Variants in FYCO1 observed in about 807,000 individuals in gnomAD.
The protein encoded by FYCO1 is FYVE and coiled-coil domain-containing protein 1.
FYCO1 carries 122 observed loss-of-function variants against 165.1 expected under a neutral mutation model. That is an observed-to-expected ratio of 0.74 (90% CI 0.64 to 0.86). The LOEUF is 0.86. Ranked by LOEUF, FYCO1 falls within the 40% of genes least tolerant of loss-of-function variation. The probability of loss-of-function intolerance (pLI) is 0.00; values close to 1 mark genes in which losing one functional copy is unlikely to be tolerated. For synonymous variants in FYCO1, 648 were observed against 742.5 expected, an observed-to-expected ratio of 0.87 and a Z score of 2.07; for missense variants, 1,702 against 1,810.3, an observed-to-expected ratio of 0.94 and a Z score of 1.09.
chr3:45,964,603 C>A lies in FYCO1; in HGVS notation c.3151-149G>T, dbSNP rs1705892257. 1 of 1,487,348 alleles carries A rather than the reference C, an allele frequency of 6.7e-7. No homozygotes were observed. The highest frequency in any genetic ancestry group is 1.4e-5 in the African/African-American group (1 of 72,016). The allele number at this position is 1,487,348 out of a possible 1,614,324, so 92.1% of individuals were successfully genotyped here. ...ATTAAGTTCAAGAGGCCATGAACCT[C>A]TGCTCTATATTTGTGGGGCCTCAAC... is the stretch of plus-strand genomic sequence containing the variant. On this transcript the variant is annotated intron_variant, in intron 9 of 17. Coordinates refer to ENST00000296137, the MANE Select transcript of FYCO1 (RefSeq NM_024513.4). This position sits in a 1 kb window ranked among gnomAD's most constrained non-coding sequence, Gnocchi z 4.1.
chr3:45,975,193 T>C, intron 5 of FYCO1, 46 bp downstream of exon 5: 1 of 1,307,112 alleles, frequency 7.7e-7, no homozygotes, highest in Non-Finnish European at 1.1e-6. Flanking sequence ...CTTTAGTTCA[T>C]TTCTGCACGG....
rs892439723 is a variant in FYCO1, at chr3:45,921,577, C to T, written c.*188G>A. 38 of 616,590 alleles carry T rather than the reference C, an allele frequency of 6.2e-5. No individual in the cohort carries two copies. Among genetic ancestry groups the T allele is most frequent in the African/African-American group, 5.3e-4 (29 of 54,562 alleles). 38.2% of individuals were successfully genotyped at this position (616,590 alleles called of 1,614,324 possible). On this transcript the variant is annotated 3_prime_UTR_variant, in exon 18 of 18. Coordinates refer to ENST00000296137, the MANE Select transcript of FYCO1 (RefSeq NM_024513.4). ...ACATTGCCTGAGCCCTTCAACGCCT[C>T]GGGGGCTAAGAGTGGCCGGTGCAGA... is the stretch of plus-strand genomic sequence containing the variant.
At chr3:45,937,079 C>G (rs1350554400) in intron 14 of FYCO1, among the ~76,000 whole-genome samples, 2 of 152,200 alleles carry the variant, frequency 1.3e-5, no homozygotes, top group Non-Finnish European at 2.9e-5. Flanking sequence ...GGCAGTTCCT[C>G]AGAGGCAGAA....
chr3:45,940,037 C>A (rs1260147098), intron 14 of FYCO1, among the ~76,000 whole-genome samples: 1 of 152,212 alleles, frequency 6.6e-6, no homozygotes, highest in Non-Finnish European at 1.5e-5. Context: ...CCACACCACA[C>A]ACATCATATT....
Position 45,959,387 on chromosome 3 carries a change from G to A in FYCO1, c.3587+6C>T, listed in dbSNP as rs1235836648. The A allele has an allele frequency of 6.2e-7, 1 of 1,613,850 alleles. No individual in the cohort carries two copies. Among genetic ancestry groups the A allele is most frequent in the Admixed American group, 1.7e-5 (1 of 60,032 alleles). On this transcript the variant is annotated splice_donor_region_variant and intron_variant, in intron 12 of 17. Coordinates refer to ENST00000296137, the MANE Select transcript of FYCO1 (RefSeq NM_024513.4). ...GTTGGTGCCAACCCACGAGCTCCCT[G>A]CTGACCTGCAGTGGTGCCGCCGCAC...
chr3:45,932,190 C>G (rs1703666932), intron 15 of FYCO1, among the ~76,000 whole-genome samples: 1 of 152,210 alleles, frequency 6.6e-6, no homozygotes, highest in Admixed American at 6.5e-5. Flanking sequence ...CCGAGTGGCA[C>G]CACTCCTACA....
At chr3:45,987,906 C>T (rs72891712) in intron 1 of FYCO1, among the ~76,000 whole-genome samples, 14,972 of 152,230 alleles carry the variant, frequency 0.098, 2,491 homozygotes, top group African/African-American at 0.34. Flanking sequence ...TAAGCCTGAA[C>T]ACAGATGGCA....
intron 7 of FYCO1, 122 bp from the exon 8 acceptor site, chr3:45,968,825 T>G: frequency 2.7e-6 from 3 of 1,129,406 alleles, no homozygotes; most frequent in Non-Finnish European, 3.9e-6. Context: ...CTAAGGTTAG[T>G]CTAAAGAACT....
intron 13 of FYCO1, among the ~76,000 whole-genome samples, chr3:45,956,802 T>C (rs757287502): frequency 6.6e-6 from 1 of 152,186 alleles, no homozygotes; most frequent in Non-Finnish European, 1.5e-5. Flanking sequence ...TCAATTTTAT[T>C]AAGATGTCAA....
At chr3:45,940,313 A>G (rs1244293993) in intron 14 of FYCO1, among the ~76,000 whole-genome samples, 1 of 152,138 alleles carries the variant, frequency 6.6e-6, no homozygotes, top group Non-Finnish European at 1.5e-5. Context: ...TAGATAGAAA[A>G]CATCTGAAGC....
In FYCO1 at chr3:45,921,097, G is replaced by C. The variant is rs1258394513; in HGVS notation, c.*668C>G. 6.2e-6 allele frequency: 1 copy of C among 162,322 alleles called. No homozygotes were observed. The highest frequency in any genetic ancestry group is 5.6e-5 in the Admixed American group (1 of 17,944). 10.1% of individuals were successfully genotyped at this position (162,322 alleles called of 1,614,324 possible). On this transcript the variant is annotated 3_prime_UTR_variant, in exon 18 of 18. Transcript: ENST00000296137. The stretch of plus-strand genomic sequence containing the variant: ...GAGTGAAGGGCTTTATTTGAGGACA[G>C]AATCACCCAGACAAAAGGGCCAGAA...
Position 45,985,020 on chromosome 3 carries a change from CA to C in FYCO1, c.-111del. 1 of 999,346 alleles carries C rather than the reference CA, an allele frequency of 1.0e-6. No homozygotes were observed. Among genetic ancestry groups the C allele is most frequent in the Non-Finnish European group, 1.6e-6 (1 of 620,894 alleles). 61.9% of individuals were successfully genotyped at this position (999,346 alleles called of 1,614,324 possible). On this transcript the variant is annotated splice_region_variant and 5_prime_UTR_variant, in exon 2 of 18. It removes the in-frame stop codon of an upstream open reading frame in the 5' UTR. Coordinates refer to ENST00000296137, the MANE Select transcript of FYCO1 (RefSeq NM_024513.4). ...CAGCAGTGGTCAGACTCCATGGTGG[CA>C]CCTGCACAGAGGAAGGGGAGGCCAT...
At chr3:45,979,679 A>T in intron 4 of FYCO1, 26 bp downstream of exon 4, 1 of 1,613,158 alleles carries the variant, frequency 6.2e-7, no homozygotes, top group South Asian at 1.1e-5. Context: ...GACGACATGA[A>T]GTTGTTGGCT....
At chr3:45,972,604 T>C (rs999287780) in intron 6 of FYCO1, among the ~76,000 whole-genome samples, 2 of 152,204 alleles carry the variant, frequency 1.3e-5, no homozygotes, top group Non-Finnish European at 2.9e-5. Context: ...TGGTGGTATG[T>C]GAGTGCCACA....
At chr3:45,930,458 T>C (rs1703536503) in intron 16 of FYCO1, among the ~76,000 whole-genome samples, 1 of 152,138 alleles carries the variant, frequency 6.6e-6, no homozygotes, top group Non-Finnish European at 1.5e-5. Flanking sequence ...TTCTCAACCT[T>C]GGCTGCTCAT....
chr3:45,965,411 C>T (rs906632222), intron 8 of FYCO1, among the ~76,000 whole-genome samples: 1 of 152,186 alleles, frequency 6.6e-6, no homozygotes. Flanking sequence ...TGGGGAGGCA[C>T]ATCTGTGGCA....
chr3:45,936,459 A>C lies in FYCO1; in HGVS notation c.4029T>G (p.Ser1343=). ...CAGTTGCCACTTACATCAGTTCTCC[A>C]GACTTCAGCAGGCAGATTTCCGAAT... ...GQDSEICLLK[S]GELMIKVPLT... The change falls in exon 15 of 18, where the codon TCT becomes TCG. Residue 1343 remains serine (S), a synonymous_variant. Coordinates refer to ENST00000296137, the MANE Select transcript of FYCO1 (RefSeq NM_024513.4). 1 of 1,613,146 alleles carries C rather than the reference A, an allele frequency of 6.2e-7. No homozygotes were observed. The highest frequency in any genetic ancestry group is 8.5e-7 in the Non-Finnish European group (1 of 1,179,108).
At position 45,968,262 on chromosome 3, in the gene FYCO1, G is replaced by T; in HGVS notation, c.1072C>A (p.Leu358Met). The change falls in exon 8 of 18, where the codon CTG (leucine) becomes ATG (methionine). Residue 358 changes from leucine to methionine, a missense_variant. Transcript: ENST00000296137. The stretch of plus-strand genomic sequence containing the variant: ...GCTAAATGCTGGTTTTTCTTGTCCA[G>T]TGAGTCCCGTGTGGCCTCAAGCTCC... ...AQELEATRDS[L>M]DKKNQHLASF... The T allele has an allele frequency of 6.2e-7, 1 of 1,613,984 alleles. No homozygotes were observed. Among genetic ancestry groups the T allele is most frequent in the Non-Finnish European group, 8.5e-7 (1 of 1,180,042 alleles).
Position 45,964,207 on chromosome 3 carries a change from C to G in FYCO1, c.3269+129G>C. 1 of 810,142 alleles carries G rather than the reference C, an allele frequency of 1.2e-6. No individual in the cohort carries two copies. Among genetic ancestry groups the G allele is most frequent in the Non-Finnish European group, 2.2e-6 (1 of 462,324 alleles). 50.2% of individuals were successfully genotyped at this position (810,142 alleles called of 1,614,324 possible). A position where few individuals can be genotyped will look rare whatever the true frequency, so the allele number is the denominator to read the frequency against. ...GGCATGCTTCCAGCAGAAGCACTTT[C>G]TGAGTTTGTGGCTTTTCTTGCAAAA... On this transcript the variant is annotated intron_variant, in intron 10 of 17. Coordinates refer to ENST00000296137, the MANE Select transcript of FYCO1 (RefSeq NM_024513.4). This position sits in a 1 kb window ranked among gnomAD's most constrained non-coding sequence, Gnocchi z 4.1.
Sources: allele counts gnomAD v4.1 joint callset (sites outside exome capture counted in the v4.1 genomes callset), GRCh38; gene constraint gnomAD v4.1.1; non-coding constraint Gnocchi (gnomAD v3.1); transcripts MANE v1.5; gene names NCBI Gene and HGNC (gene_info 2026-07-23, HGNC 2026-07-21).